LMNTD1: variants seen among roughly 807,000 people sequenced by gnomAD.
The protein encoded by LMNTD1 is lamin tail domain containing 1.
A neutral mutation model predicts 50.9 loss-of-function variants in LMNTD1; 35 were observed. The ratio of observed to expected loss-of-function variants is 0.69; its 90% CI spans 0.53 to 0.91. LMNTD1 has a LOEUF of 0.91. LMNTD1 is among the 40% of genes least tolerant of loss of function. LMNTD1 has a pLI of 0.00. For missense variants in LMNTD1, 470 were observed against 475.5 expected, an observed-to-expected ratio of 0.99 and a Z score of 0.11; for synonymous variants, 153 against 161.9, an observed-to-expected ratio of 0.94 and a Z score of 0.42.
At chr12:25,490,419 T>G (rs900066917) in intron 9 of LMNTD1, among the ~76,000 whole-genome samples, 1 of 152,206 alleles carries the variant, frequency 6.6e-6, no homozygotes, top group Admixed American at 6.5e-5. Context: ...GTATATACTC[T>G]TTAGTTGCCA....
intron 1 of LMNTD1, among the ~76,000 whole-genome samples, chr12:25,594,184 A>C (rs1329907104): frequency 6.6e-6 from 1 of 152,222 alleles, no homozygotes; most frequent in Non-Finnish European, 1.5e-5. Flanking sequence ...GCTAGGACCT[A>C]GACATCCAAA....
chr12:25,549,314 T>C lies in LMNTD1; in HGVS notation c.310+12A>G, dbSNP rs367788487. ...AAGTACTCTAAAAATATGGGTTCCA[T>C]ATTTTGCTTACCCAAGCTGTTTTCC... On this transcript the variant is annotated intron_variant, in intron 3 of 9. Transcript: ENST00000458174. The C allele has an allele frequency of 1.3e-5, 20 of 1,515,342 alleles. No individual in the cohort carries two copies. The African/African-American group carries it at 2.1e-4, about 16-fold the overall frequency. The allele number at this position is 1,515,342 out of a possible 1,614,324, so 93.9% of individuals were successfully genotyped here.
intron 1 of LMNTD1, among the ~76,000 whole-genome samples, chr12:25,568,205 T>C (rs1329147081): frequency 2.0e-5 from 3 of 152,238 alleles, no homozygotes; most frequent in Non-Finnish European, 2.9e-5. Context: ...ATGGTGTCCA[T>C]GTCCTAGGGA....
intron 9 of LMNTD1, among the ~76,000 whole-genome samples, chr12:25,500,959 C>T (rs923371430): frequency 6.8e-6 from 1 of 147,002 alleles, no homozygotes; most frequent in Admixed American, 6.8e-5. Context: ...CAAATAAACT[C>T]GAGATTGAAC....
intron 1 of LMNTD1, among the ~76,000 whole-genome samples, chr12:25,603,715 A>G (rs1218191435): frequency 1.3e-5 from 2 of 152,048 alleles, no homozygotes; most frequent in Non-Finnish European, 2.9e-5. Context: ...ATAAATATAC[A>G]CAAATAGCAT....
chr12:25,544,503 T>G (rs1433509181), intron 4 of LMNTD1, among the ~76,000 whole-genome samples: 1 of 151,856 alleles, frequency 6.6e-6, no homozygotes, highest in Non-Finnish European at 1.5e-5. Context: ...TTTTGTTTCC[T>G]TATCCCTAAG....
chr12:25,638,835 G>A (rs1592129235), intron 1 of LMNTD1, among the ~76,000 whole-genome samples: 1 of 152,070 alleles, frequency 6.6e-6, no homozygotes, highest in East Asian at 1.9e-4. Flanking sequence ...TAAAATTCAT[G>A]TAGAAAAGCA....
At chr12:25,560,760 T>G (rs1220916960) in intron 1 of LMNTD1, among the ~76,000 whole-genome samples, 3 of 152,162 alleles carry the variant, frequency 2.0e-5, no homozygotes, top group African/African-American at 7.2e-5. Flanking sequence ...CCCTTATAAG[T>G]TGGATTCCTA....
intron 1 of LMNTD1, among the ~76,000 whole-genome samples, chr12:25,601,090 C>T (rs963698487): frequency 1.3e-5 from 2 of 151,838 alleles, no homozygotes; most frequent in Admixed American, 6.6e-5. Context: ...AAATGTGGTA[C>T]TATACATAGT....
chr12:25,482,238 AT>A (rs1158989810), intron 9 of LMNTD1, among the ~76,000 whole-genome samples: 1 of 152,026 alleles, frequency 6.6e-6, no homozygotes, highest in Non-Finnish European at 1.5e-5. Context: ...TCAATAGAAG[AT>A]AACATGTTAA....
At position 25,549,507 on chromosome 12, in the gene LMNTD1, A is replaced by C; in HGVS notation, c.129T>G (p.Phe43Leu). Reference protein sequence around the residue: ...DKLGVYSLVHFSPKMLGSVAT... With the variant: ...DKLGVYSLVHLSPKMLGSVAT... ...CAACTGAACCCAACATCTTTGGGGA[A>C]AAATGTACTAAAGAATATACTCCAA... is the stretch of plus-strand genomic sequence containing the variant. The change falls in exon 3 of 10, where the codon TTT becomes TTG. Residue 43 changes from phenylalanine to leucine, a missense_variant. Transcript: ENST00000458174. 1 of 1,612,612 alleles carries C rather than the reference A, an allele frequency of 6.2e-7. No individual in the cohort carries two copies. Among genetic ancestry groups the C allele is most frequent in the Non-Finnish European group, 8.5e-7 (1 of 1,178,822 alleles).
chr12:25,496,427 C>A (rs1939071175), intron 9 of LMNTD1, among the ~76,000 whole-genome samples: 2 of 152,134 alleles, frequency 1.3e-5, no homozygotes, highest in African/African-American at 4.8e-5. Context: ...CAAAACGGAA[C>A]AGTCTACACG....
intron 1 of LMNTD1, among the ~76,000 whole-genome samples, chr12:25,609,696 T>C (rs1592101524): frequency 6.6e-6 from 1 of 152,206 alleles, no homozygotes; most frequent in Admixed American, 6.5e-5. Flanking sequence ...TATTGCTGCC[T>C]GATCCTTCCT....
intron 1 of LMNTD1, among the ~76,000 whole-genome samples, chr12:25,637,264 T>C (rs1270268741): frequency 3.3e-5 from 5 of 152,090 alleles, no homozygotes; most frequent in Non-Finnish European, 7.4e-5. Context: ...CAACAGAAAA[T>C]GCCTTTGAGA....
chr12:25,513,772 A>T (rs982673260), intron 8 of LMNTD1, among the ~76,000 whole-genome samples: 3 of 145,726 alleles, frequency 2.1e-5, no homozygotes, highest in Admixed American at 1.4e-4. Flanking sequence ...AGTGAAAAAA[A>T]GTTATAGAAA....
At chr12:25,547,416 T>C (rs1164649661) in intron 3 of LMNTD1, 2 of 151,746 alleles carry the variant, frequency 1.3e-5, no homozygotes, top group Non-Finnish European at 3.0e-5. Context: ...GGAGATCATG[T>C]AAGTGTCTAG....
intron 9 of LMNTD1, among the ~76,000 whole-genome samples, chr12:25,489,492 A>C (rs1278295307): frequency 3.5e-5 from 5 of 141,732 alleles, no homozygotes; most frequent in African/African-American, 1.3e-4. Flanking sequence ...TGGCTCGCGC[A>C]CGGTGCGCGC....
chr12:25,591,850 A>AGAGAGAGAGAGG (rs1945708838), intron 1 of LMNTD1, among the ~76,000 whole-genome samples: 1 of 151,370 alleles, frequency 6.6e-6, no homozygotes, highest in Non-Finnish European at 1.5e-5. Context: ...AGAGAGAGAG[A>AGAGAGAGAGAGG]GAGAGAGACT....
At chr12:25,587,051 A>G (rs1945551374) in intron 1 of LMNTD1, among the ~76,000 whole-genome samples, 1 of 152,142 alleles carries the variant, frequency 6.6e-6, no homozygotes, top group South Asian at 2.1e-4. Context: ...TGTTTCTCTC[A>G]GCTGGAAAGT....
Sources: allele counts gnomAD v4.1 joint callset (sites outside exome capture counted in the v4.1 genomes callset), GRCh38; gene constraint gnomAD v4.1.1; transcripts MANE v1.5; gene names NCBI Gene and HGNC (gene_info 2026-07-23, HGNC 2026-07-21).